Variants in TNFRSF11A observed in about 807,000 individuals in gnomAD.
The protein encoded by TNFRSF11A is TNF receptor superfamily member 11a.
In TNFRSF11A, 32 loss-of-function variants were observed where a neutral mutation model predicts 55.7. The observed-to-expected ratio is 0.57, with a 90% CI of 0.43 to 0.77. The LOEUF is 0.77. Among genes scored for constraint, TNFRSF11A ranks in the 30% least tolerant of loss-of-function variants. The probability of loss-of-function intolerance (pLI) is 0.00; values close to 1 mark genes in which losing one functional copy is unlikely to be tolerated. For synonymous variants in TNFRSF11A, 311 were observed against 331.0 expected, an observed-to-expected ratio of 0.94 and a Z score of 0.65; for missense variants, 753 against 809.8, an observed-to-expected ratio of 0.93 and a Z score of 0.85.
intron 9 of TNFRSF11A, among the ~76,000 whole-genome samples, chr18:62,381,720 C>T (rs776674721): frequency 7.2e-5 from 11 of 152,174 alleles, no homozygotes; most frequent in Middle Eastern, 3.2e-3. Flanking sequence ...AATAATCATA[C>T]GACTAAGCAA....
intron 1 of TNFRSF11A, among the ~76,000 whole-genome samples, chr18:62,329,472 C>T (rs2046119867): frequency 6.6e-6 from 1 of 152,336 alleles, no homozygotes; most frequent in East Asian, 1.9e-4. Flanking sequence ...TCATTCTCTG[C>T]CCGGATTGTG....
At position 62,354,444 on chromosome 18, in the gene TNFRSF11A, G is replaced by A; in HGVS notation, c.337G>A (p.Ala113Thr). ...AGNSTTPRRC[A>T]CTAGYHWSQD... ...CAACAGCACGACCCCCCGGCGCTGC[G>A]CGTGCACGGCTGGGTACCACTGGAG... Residue 113 changes from alanine (A) to threonine (T), a missense_variant, in exon 4 of 10, where the codon GCG becomes ACG. By Grantham distance (58) the Ala-to-Thr change is moderately conservative (BLOSUM62 0). Coordinates refer to ENST00000586569, the MANE Select transcript of TNFRSF11A (RefSeq NM_003839.4). 5.0e-6 allele frequency: 8 copies of A among 1,599,468 alleles called. No homozygotes were observed. The highest frequency in any genetic ancestry group is 6.8e-6 in the Non-Finnish European group (8 of 1,178,538).
At chr18:62,357,610 T>C (rs888550995) in intron 4 of TNFRSF11A, among the ~76,000 whole-genome samples, 1 of 152,206 alleles carries the variant, frequency 6.6e-6, no homozygotes, top group Non-Finnish European at 1.5e-5. Flanking sequence ...GCCTAAGATA[T>C]TTACTCTATG....
At chr18:62,380,051 T>C (rs948478243) in intron 9 of TNFRSF11A, among the ~76,000 whole-genome samples, 2 of 152,216 alleles carry the variant, frequency 1.3e-5, no homozygotes, top group Admixed American at 1.3e-4. Context: ...ATAACTGACA[T>C]AGCCCAGTGG....
chr18:62,353,548 C>G (rs1035287341), intron 3 of TNFRSF11A, among the ~76,000 whole-genome samples: 2 of 152,248 alleles, frequency 1.3e-5, no homozygotes, highest in African/African-American at 4.8e-5. Context: ...GTACACGGTT[C>G]TGTCCCTGAA....
Position 62,373,147 on chromosome 18 carries a change from G to A in TNFRSF11A, c.1567+3663G>A, listed in dbSNP as rs187679544. Among the ~76,000 whole-genome samples, 40 of 152,278 alleles carry A rather than the reference G, an allele frequency of 2.6e-4. No homozygotes were observed. In the East Asian group the frequency reaches 6.6e-3, roughly 25 times the overall value. On this transcript the variant is annotated intron_variant, in intron 9 of 9. Transcript: ENST00000586569. The stretch of plus-strand genomic sequence containing the variant: ...ACACCCTATCAACACCCCAGCTCTA[G>A]GCAGCCACAACCAGTTAGTGGGAAT...
intron 1 of TNFRSF11A, among the ~76,000 whole-genome samples, chr18:62,334,298 T>C (rs1479288089): frequency 6.6e-6 from 1 of 152,134 alleles, no homozygotes; most frequent in East Asian, 1.9e-4. Context: ...AAGAAGTGTA[T>C]GTCTTGAATC....
At chr18:62,357,667 G>A (rs932456259) in intron 4 of TNFRSF11A, among the ~76,000 whole-genome samples, 3 of 152,242 alleles carry the variant, frequency 2.0e-5, no homozygotes, top group Admixed American at 6.5e-5. Flanking sequence ...TGCAGGGAAA[G>A]AGACCTGTAG....
intron 1 of TNFRSF11A, among the ~76,000 whole-genome samples, chr18:62,329,074 T>G (rs2046113849): frequency 6.6e-6 from 1 of 152,210 alleles, no homozygotes; most frequent in Non-Finnish European, 1.5e-5. Context: ...ATCTGCCATG[T>G]CAATATTAAA....
rs181164852 is a variant in TNFRSF11A, at chr18:62,328,932, A to C, written c.75+3505A>C. 1.9e-3 allele frequency among the ~76,000 whole-genome samples: 288 copies of C among 152,348 alleles called. 1 individual carries two copies. Among genetic ancestry groups the C allele is most frequent in the Admixed American group, 3.4e-3 (52 of 15,308 alleles). ...ATCTACCAGAACTTCTTACATCAGG[A>C]AAACTGAAACAATAAAAATGTGCCT... is the stretch of plus-strand genomic sequence containing the variant. On this transcript the variant is annotated intron_variant, in intron 1 of 9. Transcript: ENST00000586569.
rs1349082335 is a variant in TNFRSF11A at position 62,389,616 on chromosome 18, T to C, written c.*4582T>C. On this transcript the variant is annotated 3_prime_UTR_variant, in exon 10 of 10. Coordinates refer to ENST00000586569, the MANE Select transcript of TNFRSF11A (RefSeq NM_003839.4). The stretch of plus-strand genomic sequence containing the variant: ...ACAGCTGTGAGTCCAGTTTTCTCTC[T>C]TCCTACCTCCCTCTTACCCAGTTAT... 1 of 148,966 alleles carries C rather than the reference T, an allele frequency of 6.7e-6. No individual in the cohort carries two copies. The highest frequency in any genetic ancestry group is 1.5e-5 in the Non-Finnish European group (1 of 65,816). The allele number at this position is 148,966 out of a possible 1,614,324, so 9.2% of individuals were successfully genotyped here. A position where few individuals can be genotyped will look rare whatever the true frequency, so the allele number is the denominator to read the frequency against.
Position 62,369,234 on chromosome 18 carries a change from C to G in TNFRSF11A, c.1317C>G (p.Ser439Arg). 1 of 1,613,686 alleles carries G rather than the reference C, an allele frequency of 6.2e-7. No individual in the cohort carries two copies. Among genetic ancestry groups the G allele is most frequent in the Non-Finnish European group, 8.5e-7 (1 of 1,180,028 alleles). The stretch of plus-strand genomic sequence containing the variant: ...GCCCGCACTGGGCAGCCAGCCCCAG[C>G]CCCAACTGGGCAGATGTCTGCACAG... ...GHCPHWAASPSPNWADVCTGC... is the reference protein window; with the variant it reads ...GHCPHWAASPRPNWADVCTGC... The change falls in exon 9 of 10, where the codon AGC becomes AGG. Residue 439 changes from serine (S) to arginine (R), a missense_variant. Physicochemically the swap from Ser to Arg is moderately radical, Grantham distance 110 (BLOSUM62 -1). Around this residue, in one of 3 missense-constraint regions of TNFRSF11A, gnomAD observed 567 missense variants for 596.7 expected, o/e 0.95. Coordinates refer to ENST00000586569, the MANE Select transcript of TNFRSF11A (RefSeq NM_003839.4).
chr18:62,366,842 A>ACCCCCCCCCCC (rs34939126), intron 8 of TNFRSF11A, 82 bp downstream of exon 8: 1 of 1,154,398 alleles, frequency 8.7e-7, no homozygotes, highest in Non-Finnish European at 1.3e-6. Context: ...CATATTGAGC[A>ACCCCCCCCCCC]CCCCCCCCCA....
At position 62,362,048 on chromosome 18, in the gene TNFRSF11A, A is replaced by G. The variant is rs17069898; in HGVS notation, c.730+255A>G. ...GAAACGGATGACTTGTAAGCTCTGT[A>G]TTTGAGTTGTGTAGACTCTGCAGCA... On this transcript the variant is annotated intron_variant, in intron 7 of 9. Coordinates refer to ENST00000586569, the MANE Select transcript of TNFRSF11A (RefSeq NM_003839.4). Among the ~76,000 whole-genome samples the G allele has an allele frequency of 0.47, 71,413 of 152,100 alleles. 17,887 individuals are homozygous for G. Among genetic ancestry groups the G allele is most frequent in the African/African-American group, 0.64 (26,712 of 41,468 alleles).
rs1237703398 is a variant in TNFRSF11A at position 62,387,754 on chromosome 18, C to T, written c.*2720C>T. On this transcript the variant is annotated 3_prime_UTR_variant, in exon 10 of 10. Transcript: ENST00000586569. ...CAAGAGCAGTTTGAATGTGTTAGATCAGAACCTTCATGTGGTGGGGAAAAT... is the reference window on the plus strand; with the variant it reads ...CAAGAGCAGTTTGAATGTGTTAGATTAGAACCTTCATGTGGTGGGGAAAAT... 3 of 152,202 alleles carry T rather than the reference C, an allele frequency of 2.0e-5. No individual in the cohort carries two copies. Among genetic ancestry groups the T allele is most frequent in the Admixed American group, 6.5e-5 (1 of 15,286 alleles). The allele number at this position is 152,202 out of a possible 1,614,324, so 9.4% of individuals were successfully genotyped here. A position where few individuals can be genotyped will look rare whatever the true frequency, so the allele number is the denominator to read the frequency against.
chr18:62,376,264 G>A (rs1197479597), intron 9 of TNFRSF11A, among the ~76,000 whole-genome samples: 1 of 146,834 alleles, frequency 6.8e-6, no homozygotes, highest in Non-Finnish European at 1.5e-5. Flanking sequence ...TCTTCCACAT[G>A]CTTCAAACTT....
intron 5 of TNFRSF11A, among the ~76,000 whole-genome samples, chr18:62,359,675 C>T (rs1231139912): frequency 1.3e-5 from 2 of 152,186 alleles, no homozygotes; most frequent in Admixed American, 6.5e-5. Context: ...CACCCAGGCA[C>T]GGCCAGAATA....
intron 1 of TNFRSF11A, among the ~76,000 whole-genome samples, chr18:62,343,377 T>C (rs1448588961): frequency 1.3e-5 from 2 of 152,222 alleles, no homozygotes; most frequent in Non-Finnish European, 2.9e-5. Context: ...TTAGTATCCA[T>C]AATGACTTGC....
Position 62,348,184 on chromosome 18 carries a change from C to T in TNFRSF11A, c.92C>T (p.Ala31Val), listed in dbSNP as rs759432868. The T allele has an allele frequency of 3.7e-6, 6 of 1,614,056 alleles. No homozygotes were observed. ...LARLQVALQIAPPCTSEKHYE... is the reference protein window; with the variant it reads ...LARLQVALQIVPPCTSEKHYE... Reference sequence around the variant, plus strand: ...TCTTTTCAGGTGGCTTTGCAGATCGCTCCTCCATGTACCAGTGAGAAGCAT... The same window carrying T: ...TCTTTTCAGGTGGCTTTGCAGATCGTTCCTCCATGTACCAGTGAGAAGCAT... Residue 31 changes from alanine to valine, a missense_variant, in exon 2 of 10, where the codon GCT becomes GTT. Coordinates refer to ENST00000586569, the MANE Select transcript of TNFRSF11A (RefSeq NM_003839.4).
Sources: allele counts gnomAD v4.1 joint callset (sites outside exome capture counted in the v4.1 genomes callset), GRCh38; gene constraint gnomAD v4.1.1; regional missense constraint gnomAD v4.1.1; transcripts MANE v1.5; gene names NCBI Gene and HGNC (gene_info 2026-07-23, HGNC 2026-07-21).